The following GIPC2 variants were observed in gnomAD, a reference collection of about 807,000 sequenced individuals.
GIPC2 encodes PDZ domain-containing protein GIPC2.
Under a neutral mutation model 30.6 loss-of-function variants are expected in GIPC2, and 30 were observed. That is an observed-to-expected ratio of 0.98 (90% CI 0.73 to 1.33). The LOEUF (loss-of-function observed/expected upper bound fraction) is 1.33, where lower values mean the gene tolerates loss of function less well. Among genes scored for constraint, GIPC2 ranks in the 40% most tolerant of loss-of-function variants. The pLI is 0.00. For missense variants in GIPC2, 414 were observed against 390.3 expected, an observed-to-expected ratio of 1.06 and a Z score of -0.51; for synonymous variants, 167 against 150.0, an observed-to-expected ratio of 1.11 and a Z score of -0.83.
At chr1:78,078,744 A>G (rs1232205951) in intron 1 of GIPC2, among the ~76,000 whole-genome samples, 1 of 149,836 alleles carries the variant, frequency 6.7e-6, no homozygotes, top group African/African-American at 2.5e-5. Flanking sequence ...TTATACCATC[A>G]TGGTATTTTA....
At chr1:78,071,841 A>G (rs530669551) in intron 1 of GIPC2, among the ~76,000 whole-genome samples, 1 of 152,310 alleles carries the variant, frequency 6.6e-6, no homozygotes, top group Admixed American at 6.5e-5. Context: ...GTGTGACCCT[A>G]CACAAATCAC....
At chr1:78,055,365 A>T (rs759682176) in intron 1 of GIPC2, among the ~76,000 whole-genome samples, 3 of 152,150 alleles carry the variant, frequency 2.0e-5, no homozygotes, top group Non-Finnish European at 2.9e-5. Context: ...ATAAATATTT[A>T]TATTAAAATG....
Position 78,077,296 on chromosome 1 carries a change from G to T in GIPC2, c.241-3379G>T, listed in dbSNP as rs181575129. Among the ~76,000 whole-genome samples, 186 of 152,146 alleles carry T rather than the reference G, an allele frequency of 1.2e-3. 2 individuals are homozygous for T. The highest frequency in any genetic ancestry group is 3.7e-3 in the South Asian group (18 of 4,806). On this transcript the variant is annotated intron_variant, in intron 1 of 5. Transcript: ENST00000370759. ...GAAATGACAATATTTTGGATATACTGGGTTATATAGTTTTAAATTAAATTA... is the reference window on the plus strand; with the variant it reads ...GAAATGACAATATTTTGGATATACTTGGTTATATAGTTTTAAATTAAATTA...
intron 2 of GIPC2, among the ~76,000 whole-genome samples, chr1:78,093,546 T>A (rs1490700253): frequency 6.6e-6 from 1 of 152,228 alleles, no homozygotes; most frequent in African/African-American, 2.4e-5. Context: ...TGATTTATAA[T>A]AATGCAATTT....
chr1:78,093,985 G>A (rs1662091021), intron 2 of GIPC2, among the ~76,000 whole-genome samples: 1 of 151,994 alleles, frequency 6.6e-6, no homozygotes. Flanking sequence ...CCCTACAGAT[G>A]TATTGTAGAG....
chr1:78,117,020 T>TTC (rs1286181525), intron 3 of GIPC2, among the ~76,000 whole-genome samples: 1 of 140,320 alleles, frequency 7.1e-6, no homozygotes, highest in Admixed American at 7.0e-5. Flanking sequence ...AGCACCTGTT[T>TTC]CCTGACTTTT....
At chr1:78,045,662 A>G, upstream of GIPC2, 1 of 985,474 alleles carries the variant, frequency 1.0e-6, no homozygotes, top group Non-Finnish European at 1.2e-6. Context: ...CCTATCCCCG[A>G]AAGTCCAGAC....
chr1:78,117,401 C>T (rs1282273049), intron 3 of GIPC2, among the ~76,000 whole-genome samples: 1 of 152,116 alleles, frequency 6.6e-6, no homozygotes, highest in Non-Finnish European at 1.5e-5. Flanking sequence ...TCATGGAAGA[C>T]AATTTTTTTC....
rs565796041 is a variant in GIPC2 at position 78,099,514 on chromosome 1, C to T, written c.607+4382C>T. ...AGTACAGTGGCACGATCTCAGCTCA[C>T]TGCAACTTCCGCCTCCCAGGTTCAA... On this transcript the variant is annotated intron_variant, in intron 3 of 5. Transcript: ENST00000370759. Among the ~76,000 whole-genome samples the T allele has an allele frequency of 2.0e-5, 3 of 151,350 alleles. 1 individual carries two copies. The highest frequency in any genetic ancestry group is 7.3e-5 in the African/African-American group (3 of 41,122).
intron 1 of GIPC2, among the ~76,000 whole-genome samples, chr1:78,075,026 G>T (rs1661691178): frequency 6.6e-6 from 1 of 152,202 alleles, no homozygotes; most frequent in Non-Finnish European, 1.5e-5. Context: ...ACCCAGGATG[G>T]CTTGGTGAAA....
intron 1 of GIPC2, among the ~76,000 whole-genome samples, chr1:78,049,893 CTTTTTTTTTT>C (rs35263483): frequency 1.0e-5 from 1 of 98,464 alleles, no homozygotes; most frequent in South Asian, 4.0e-4. Flanking sequence ...AGAAAAACCT[CTTTTTTTTTT>C]TTTTTTTTTT....
chr1:78,080,557 A>T (rs1464411950), intron 1 of GIPC2, 118 bp from the exon 2 acceptor site: 3 of 604,528 alleles, frequency 5.0e-6, no homozygotes, highest in Non-Finnish European at 8.6e-6. Flanking sequence ...ACATTTTATG[A>T]TGTAACTCTT....
At position 78,104,510 on chromosome 1, in the gene GIPC2, A is replaced by T. The variant is rs1357578479; in HGVS notation, c.607+9378A>T. ...ATGTGGCTATATATGACTAGAGGAT[A>T]AACCATGTAAGAGGCTGTTGGAACA... On this transcript the variant is annotated intron_variant, in intron 3 of 5. Coordinates refer to ENST00000370759, the MANE Select transcript of GIPC2 (RefSeq NM_017655.6). Among the ~76,000 whole-genome samples the T allele has an allele frequency of 2.0e-5, 3 of 152,176 alleles. No individual in the cohort carries two copies. In the East Asian group the frequency reaches 5.8e-4, roughly 29 times the overall value.
chr1:78,110,701 T>C (rs1426895913), intron 3 of GIPC2, among the ~76,000 whole-genome samples: 2 of 152,190 alleles, frequency 1.3e-5, no homozygotes, highest in East Asian at 3.9e-4. Context: ...CTGAACTATA[T>C]AGCCTGGAAC....
At chr1:78,122,566 C>T (rs1047271774) in intron 4 of GIPC2, among the ~76,000 whole-genome samples, 17 of 152,160 alleles carry the variant, frequency 1.1e-4, no homozygotes, top group South Asian at 2.1e-4. Flanking sequence ...GAGAAACTGT[C>T]GCTTTTGAAA....
Position 78,075,532 on chromosome 1 carries a change from A to G in GIPC2, c.241-5143A>G, listed in dbSNP as rs544183758. ...CCGATGTCACCAAGGACTTAGGTTT[A>G]TTTCTTCTTTTTGCTTTGCCATTCT... is the stretch of plus-strand genomic sequence containing the variant. On this transcript the variant is annotated intron_variant, in intron 1 of 5. Transcript: ENST00000370759. 2.6e-5 allele frequency among the ~76,000 whole-genome samples: 4 copies of G among 152,248 alleles called. No homozygotes were observed. The South Asian group carries it at 6.2e-4, about 24-fold the overall frequency.
chr1:78,124,981 A>G (rs1247365857), intron 4 of GIPC2, among the ~76,000 whole-genome samples: 2 of 150,706 alleles, frequency 1.3e-5, no homozygotes, highest in Non-Finnish European at 2.9e-5. Flanking sequence ...TGTCTCAAAC[A>G]AAACAAAACA....
chr1:78,045,576 G>A, upstream of GIPC2: 1 of 985,448 alleles, frequency 1.0e-6, no homozygotes, highest in Non-Finnish European at 1.2e-6. Flanking sequence ...AAGGTTATGT[G>A]ACTTTCTCTT....
intron 3 of GIPC2, among the ~76,000 whole-genome samples, chr1:78,118,183 A>C (rs931782841): frequency 6.6e-6 from 1 of 150,966 alleles, no homozygotes; most frequent in Non-Finnish European, 1.5e-5. Flanking sequence ...TTGGTCTCTC[A>C]AAGTGCTGAG....
Sources: allele counts gnomAD v4.1 joint callset (sites outside exome capture counted in the v4.1 genomes callset), GRCh38; gene constraint gnomAD v4.1.1; transcripts MANE v1.5; gene names NCBI Gene and HGNC (gene_info 2026-07-23, HGNC 2026-07-21).